C9: variants seen among roughly 807,000 people sequenced by gnomAD.
C9 encodes complement component C9.
A neutral mutation model predicts 65.4 loss-of-function variants in C9; 63 were observed. That is an observed-to-expected ratio of 0.96 (90% CI 0.79 to 1.19). The LOEUF is 1.19. Ranked by LOEUF, C9 falls within the 50% of genes most tolerant of loss-of-function variation. The pLI is 0.00. For missense variants in C9, 744 were observed against 670.1 expected, an observed-to-expected ratio of 1.11 and a Z score of -1.22; for synonymous variants, 229 against 227.9, an observed-to-expected ratio of 1.00 and a Z score of -0.04.
intron 1 of C9, among the ~76,000 whole-genome samples, chr5:39,356,313 C>T (rs948839603): frequency 6.6e-6 from 1 of 152,192 alleles, no homozygotes; most frequent in Non-Finnish European, 1.5e-5. Context: ...CAATGTTTCC[C>T]TGTCTCCTGT....
intron 5 of C9, 127 bp from the exon 6 acceptor site, chr5:39,316,156 A>C (rs1048065895): frequency 5.5e-6 from 4 of 725,506 alleles, no homozygotes; most frequent in Non-Finnish European, 4.5e-6. Context: ...TTAAGAGCAA[A>C]AGTGATGGAG....
chr5:39,351,921 G>T (rs1754331242), intron 1 of C9, among the ~76,000 whole-genome samples: 1 of 152,080 alleles, frequency 6.6e-6, no homozygotes, highest in Non-Finnish European at 1.5e-5. Flanking sequence ...TCCCGCTCTT[G>T]TTACCAATTT....
chr5:39,315,401 T>C (rs1274471853), intron 6 of C9, among the ~76,000 whole-genome samples: 2 of 152,202 alleles, frequency 1.3e-5, no homozygotes, highest in Non-Finnish European at 2.9e-5. Flanking sequence ...ACACAGTTTG[T>C]AGTTAATAAA....
chr5:39,287,702 C>T (rs1753016219), intron 10 of C9, among the ~76,000 whole-genome samples: 1 of 152,062 alleles, frequency 6.6e-6, no homozygotes, highest in East Asian at 1.9e-4. Context: ...AGGTCATTAT[C>T]CTAAGTGAAA....
At chr5:39,341,074 T>C in intron 4 of C9, 72 bp downstream of exon 4, 3 of 1,515,844 alleles carry the variant, frequency 2.0e-6, no homozygotes, top group Non-Finnish European at 2.8e-6. Flanking sequence ...CTTCTACCAG[T>C]CTATCACAAT....
At chr5:39,324,602 G>A (rs193214782) in intron 5 of C9, among the ~76,000 whole-genome samples, 1 of 152,158 alleles carries the variant, frequency 6.6e-6, no homozygotes, top group Non-Finnish European at 1.5e-5. Flanking sequence ...TGGTAGTGGC[G>A]AGTACAGCCT....
chr5:39,294,557 T>G (rs1297497954), intron 9 of C9, among the ~76,000 whole-genome samples: 1 of 151,792 alleles, frequency 6.6e-6, no homozygotes, highest in East Asian at 1.9e-4. Context: ...AGTAAAGAGA[T>G]TGAAGTTGTA....
intron 1 of C9, among the ~76,000 whole-genome samples, chr5:39,346,491 T>A (rs1754197253): frequency 6.6e-6 from 1 of 152,146 alleles, no homozygotes; most frequent in Admixed American, 6.5e-5. Flanking sequence ...AATCCCTGAA[T>A]AGACCAATAA....
rs201707650 is a variant in C9 at position 39,341,260 on chromosome 5, C to G, written c.362G>C (p.Gly121Ala). The G allele has an allele frequency of 9.1e-5, 147 of 1,614,170 alleles. No individual in the cohort carries two copies. The highest frequency in any genetic ancestry group is 1.2e-4 in the Non-Finnish European group (136 of 1,180,018). Residue 121 changes from glycine to alanine, a missense_variant, in exon 4 of 11, where the codon GGT becomes GCT. Physicochemically the swap from Gly to Ala is moderately conservative, Grantham distance 60. Transcript: ENST00000263408. Reference protein sequence around the residue: ...RCIKMRLRCNGDNDCGDFSDE... With the variant: ...RCIKMRLRCNADNDCGDFSDE... ...TGAAAAGTCTCCGCAGTCATTGTCA[C>G]CATTACACCGAAGTCGCATCTTTAT...
chr5:39,318,012 C>T (rs1288804379), intron 5 of C9, among the ~76,000 whole-genome samples: 5 of 152,096 alleles, frequency 3.3e-5, no homozygotes, highest in African/African-American at 1.2e-4. Flanking sequence ...CTTATGTCCT[C>T]TCTGATTTCC....
At chr5:39,344,586 G>C (rs1180525536) in intron 1 of C9, among the ~76,000 whole-genome samples, 1 of 152,154 alleles carries the variant, frequency 6.6e-6, no homozygotes, top group Non-Finnish European at 1.5e-5. Flanking sequence ...GAACCAAGTT[G>C]GAAAACACTC....
intron 1 of C9, among the ~76,000 whole-genome samples, chr5:39,353,873 A>G (rs1754368622): frequency 6.6e-6 from 1 of 152,190 alleles, no homozygotes; most frequent in South Asian, 2.1e-4. Flanking sequence ...TTTTAAATGA[A>G]TAATTGAATA....
chr5:39,291,089 T>C (rs1405485021), intron 9 of C9, among the ~76,000 whole-genome samples: 1 of 151,780 alleles, frequency 6.6e-6, no homozygotes, highest in African/African-American at 2.4e-5. Flanking sequence ...ACAACATGAA[T>C]GAGACCAGTG....
At chr5:39,291,636 AC>A (rs1234872106) in intron 9 of C9, among the ~76,000 whole-genome samples, 11 of 151,962 alleles carry the variant, frequency 7.2e-5, no homozygotes, top group Non-Finnish European at 1.5e-4. Flanking sequence ...TGCTAAAAAA[AC>A]AAAACCCAAA....
chr5:39,307,425 G>A (rs180811706), intron 8 of C9, among the ~76,000 whole-genome samples: 1 of 152,122 alleles, frequency 6.6e-6, no homozygotes, highest in African/African-American at 2.4e-5. Flanking sequence ...GGAGTGACTA[G>A]TCAGAGATCA....
intron 1 of C9, among the ~76,000 whole-genome samples, chr5:39,353,731 A>C (rs1477270594): frequency 1.3e-5 from 2 of 152,164 alleles, no homozygotes; most frequent in Non-Finnish European, 2.9e-5. Context: ...ACAAAACAAA[A>C]CAAAAAACAT....
rs1754061008 is a variant in C9, at chr5:39,340,721, A to G, written c.476+425T>C. ...CTCCAGAATGCTGGAAACTCCCAAG[A>G]TCCAGGAGAAGTTCCAATGGAAGAC... is the stretch of plus-strand genomic sequence containing the variant. On this transcript the variant is annotated intron_variant, in intron 4 of 10. Transcript: ENST00000263408. 2.0e-5 allele frequency among the ~76,000 whole-genome samples: 3 copies of G among 152,320 alleles called. No individual in the cohort carries two copies. The South Asian group carries it at 6.2e-4, about 32-fold the overall frequency.
At chr5:39,328,980 G>C (rs997384530) in intron 5 of C9, among the ~76,000 whole-genome samples, 1 of 152,168 alleles carries the variant, frequency 6.6e-6, no homozygotes, top group Admixed American at 6.5e-5. Context: ...TATAATCTGT[G>C]TGCATTTTGC....
chr5:39,327,175 A>G (rs1426130733), intron 5 of C9, among the ~76,000 whole-genome samples: 4 of 152,188 alleles, frequency 2.6e-5, no homozygotes, highest in Non-Finnish European at 5.9e-5. Context: ...AAATCAGATC[A>G]GGGATCACTT....
Sources: allele counts gnomAD v4.1 joint callset (sites outside exome capture counted in the v4.1 genomes callset), GRCh38; gene constraint gnomAD v4.1.1; transcripts MANE v1.5; gene names NCBI Gene and HGNC (gene_info 2026-07-23, HGNC 2026-07-21).